TECPR1: variants seen among roughly 807,000 people sequenced by gnomAD.
TECPR1 encodes the protein tectonin beta-propeller repeat containing 1.
A neutral mutation model predicts 162.4 loss-of-function variants in TECPR1; 122 were observed. The ratio of observed to expected loss-of-function variants is 0.75; its 90% CI spans 0.65 to 0.87. The LOEUF (loss-of-function observed/expected upper bound fraction) is 0.87. Among genes scored for constraint, TECPR1 ranks in the 40% least tolerant of loss-of-function variants. TECPR1 has a pLI of 0.00. For synonymous variants in TECPR1, 642 were observed against 670.6 expected, an observed-to-expected ratio of 0.96 and a Z score of 0.66; for missense variants, 1,432 against 1,618.2, an observed-to-expected ratio of 0.88 and a Z score of 1.97.
In TECPR1 at chr7:98,231,978, T is replaced by G; in HGVS notation, c.1819-19A>C. On this transcript the variant is annotated intron_variant, in intron 12 of 25. Coordinates refer to ENST00000447648, the MANE Select transcript of TECPR1 (RefSeq NM_015395.3). Reference sequence around the variant, plus strand: ...ACACCGACTGCGCAGGCCGGGGCAGTGGACACCATCACAGGCAGGCCCGGG... The same window carrying G: ...ACACCGACTGCGCAGGCCGGGGCAGGGGACACCATCACAGGCAGGCCCGGG... The G allele has an allele frequency of 6.3e-7, 1 of 1,588,638 alleles. No individual in the cohort carries two copies. Among genetic ancestry groups the G allele is most frequent in the East Asian group, 2.3e-5 (1 of 44,330 alleles).
chr7:98,232,821 AC>A lies in TECPR1; in HGVS notation c.1818+5del. 1 of 1,563,660 alleles carries A rather than the reference AC, an allele frequency of 6.4e-7. No individual in the cohort carries two copies. The highest frequency in any genetic ancestry group is 2.3e-5 in the East Asian group (1 of 43,994). On this transcript the variant is annotated splice_donor_5th_base_variant and intron_variant, in intron 12 of 25. Transcript: ENST00000447648. This position sits in a 1 kb window ranked among gnomAD's most constrained non-coding sequence, Gnocchi z 4.6. ...AAAATGCATGCGCAGCCACCGGGGC[AC>A]CCACCTGCTCCACGGCCTGCTCGTA...
intron 13 of TECPR1, 64 bp downstream of exon 13, chr7:98,231,740 C>T: frequency 3.2e-6 from 5 of 1,567,692 alleles, no homozygotes; most frequent in Admixed American, 3.4e-5. Context: ...TTCTGTACCC[C>T]TCCTCTAGCA....
chr7:98,226,264 T>C (rs1584328785), intron 17 of TECPR1, among the ~76,000 whole-genome samples: 1 of 152,246 alleles, frequency 6.6e-6, no homozygotes, highest in South Asian at 2.1e-4. Context: ...ATTTTGGCGA[T>C]GTGTGCCAAC....
chr7:98,230,249 T>G (rs1798390278), intron 15 of TECPR1, among the ~76,000 whole-genome samples: 1 of 151,792 alleles, frequency 6.6e-6, no homozygotes, highest in Non-Finnish European at 1.5e-5. Context: ...CAAGTGATCC[T>G]CCTACCTCAG....
rs1290383127 is a variant in TECPR1 at position 98,233,719 on chromosome 7, C to T, written c.1374G>A (p.Val458=). Reference sequence around the variant, plus strand: ...TGCCCTCGGCTGGGCAGGCATCTTCCACGGTATCTTCTGCGGTCCTGCCAG... The same window carrying T: ...TGCCCTCGGCTGGGCAGGCATCTTCTACGGTATCTTCTGCGGTCCTGCCAG... The part of the protein sequence containing the change: ...LGAGRTAEDT[V]EDACPAEGSR... Residue 458 remains valine, a synonymous_variant, in exon 11 of 26, where the codon GTG becomes GTA. Coordinates refer to ENST00000447648, the MANE Select transcript of TECPR1 (RefSeq NM_015395.3). The T allele has an allele frequency of 4.3e-6, 7 of 1,612,120 alleles. No individual in the cohort carries two copies. Among genetic ancestry groups the T allele is most frequent in the Non-Finnish European group, 5.9e-6 (7 of 1,179,514 alleles).
chr7:98,237,054 G>T, intron 9 of TECPR1, 133 bp from the exon 10 acceptor site: 1 of 1,017,198 alleles, frequency 9.8e-7, no homozygotes, highest in Non-Finnish European at 1.3e-6. Context: ...CCATGCTGGG[G>T]CTGTGTGGTG....
rs572849296 is a variant in TECPR1, at chr7:98,233,896, G to A, written c.1197C>T (p.Phe399=). 22 of 1,538,102 alleles carry A rather than the reference G, an allele frequency of 1.4e-5. No homozygotes were observed. The highest frequency in any genetic ancestry group is 1.7e-4 in the Middle Eastern group (1 of 5,904). Reference sequence around the variant, plus strand: ...CGCCACTACCCCTCACCTCATCACCGAAGAAGCAGCCGGCACTGGGGACAA... The same window carrying A: ...CGCCACTACCCCTCACCTCATCACCAAAGAAGCAGCCGGCACTGGGGACAA... The part of the protein sequence containing the change: ...SSSLLSAGCF[F]GDEVRGSGES... Residue 399 remains phenylalanine (F), a synonymous_variant, in exon 11 of 26, where the codon TTC becomes TTT. Transcript: ENST00000447648.
chr7:98,230,980 G>T lies in TECPR1; in HGVS notation c.2263C>A (p.Pro755Thr). 2 of 1,612,102 alleles carry T rather than the reference G, an allele frequency of 1.2e-6. No individual in the cohort carries two copies. Among genetic ancestry groups the T allele is most frequent in the Non-Finnish European group, 8.5e-7 (1 of 1,179,390 alleles). Residue 755 changes from proline (P) to threonine (T), a missense_variant, in exon 15 of 26, where the codon CCC (proline) becomes ACC (threonine). Transcript: ENST00000447648. ...ACTCACATCTGGTCGCAGGGCAGGG[G>T]GTGCTCGTGGGCCTCCAGGTCTGGG... ...PSPDLEAHEH[P>T]LPCDQMFWRQ...
intron 2 of TECPR1, among the ~76,000 whole-genome samples, chr7:98,249,589 G>A (rs1799007939): frequency 2.0e-5 from 3 of 152,122 alleles, no homozygotes; most frequent in African/African-American, 7.2e-5. Context: ...TGCATTCTGG[G>A]ATCCTCACTT....
At chr7:98,219,468 A>G (rs1367112420) in intron 23 of TECPR1, among the ~76,000 whole-genome samples, 2 of 152,372 alleles carry the variant, frequency 1.3e-5, no homozygotes, top group Admixed American at 6.5e-5. Context: ...ATAGGAGGAA[A>G]TATTTGCAAA....
chr7:98,225,738 C>T (rs1015236008), intron 17 of TECPR1, among the ~76,000 whole-genome samples: 1 of 152,112 alleles, frequency 6.6e-6, no homozygotes, highest in Non-Finnish European at 1.5e-5. Flanking sequence ...ACTGCAGCCT[C>T]GAATTCCTGG....
At chr7:98,237,460 A>AGTTTTGTTTT (rs943987680) in intron 9 of TECPR1, among the ~76,000 whole-genome samples, 3 of 150,908 alleles carry the variant, frequency 2.0e-5, no homozygotes, top group Admixed American at 6.6e-5. Context: ...CACCCAGCTA[A>AGTTTTGTTTT]GTTTTGTTTT....
At chr7:98,223,903 G>A (rs1010023053) in intron 19 of TECPR1, among the ~76,000 whole-genome samples, 185 bp from the exon 20 acceptor site, 17 of 152,322 alleles carry the variant, frequency 1.1e-4, no homozygotes, top group African/African-American at 4.1e-4. Context: ...GGCTGCCCCG[G>A]CAGGATCAGG....
In TECPR1 at chr7:98,224,874, C is replaced by T. The variant is rs767020833; in HGVS notation, c.2617G>A (p.Asp873Asn). 17 of 1,562,402 alleles carry T rather than the reference C, an allele frequency of 1.1e-5. No homozygotes were observed. The highest frequency in any genetic ancestry group is 2.7e-5 in the African/African-American group (2 of 73,594). ...PPSLQWAWVSDWFVDFSVPGG... is the reference protein window; with the variant it reads ...PPSLQWAWVSNWFVDFSVPGG... ...GGAACGCTGAAATCCACGAACCAGT[C>T]GGAAACCTGGGAGGAGTGGGTCAGT... is the stretch of plus-strand genomic sequence containing the variant. The change falls in exon 19 of 26, where the codon GAC (aspartate) becomes AAC (asparagine). Residue 873 changes from aspartate (D) to asparagine (N), a missense_variant. By Grantham distance (23) the Asp-to-Asn change is conservative (BLOSUM62 1). Coordinates refer to ENST00000447648, the MANE Select transcript of TECPR1 (RefSeq NM_015395.3).
chr7:98,220,068 G>A (rs1157305768), intron 23 of TECPR1, among the ~76,000 whole-genome samples: 3 of 151,912 alleles, frequency 2.0e-5, no homozygotes, highest in African/African-American at 4.8e-5. Flanking sequence ...ACAGCCAGGC[G>A]CGGTGGCTCA....
chr7:98,226,148 T>TG (rs1399756083), intron 17 of TECPR1, among the ~76,000 whole-genome samples: 3 of 152,160 alleles, frequency 2.0e-5, no homozygotes, highest in Non-Finnish European at 4.4e-5. Flanking sequence ...TGCCCTGTCC[T>TG]CCGTCGGAAC....
intron 10 of TECPR1, among the ~76,000 whole-genome samples, chr7:98,234,959 C>A (rs1442155268): frequency 1.6e-4 from 24 of 152,104 alleles, no homozygotes; most frequent in African/African-American, 4.6e-4. Context: ...AGCGATCCAC[C>A]CACTTTGGCC....
At chr7:98,222,122 C>T (rs956590568) in intron 22 of TECPR1, among the ~76,000 whole-genome samples, 27 of 152,184 alleles carry the variant, frequency 1.8e-4, no homozygotes, top group African/African-American at 3.6e-4. Flanking sequence ...CCCGTCCTCC[C>T]GGGCAGCCAC....
At position 98,233,707 on chromosome 7, in the gene TECPR1, G is replaced by A. The variant is rs1435830034; in HGVS notation, c.1386C>T (p.Cys462=). ...TGGCCTCCCTGCTGCCCTCGGCTGGGCAGGCATCTTCCACGGTATCTTCTG... is the reference window on the plus strand; with the variant it reads ...TGGCCTCCCTGCTGCCCTCGGCTGGACAGGCATCTTCCACGGTATCTTCTG... ...RTAEDTVEDA[C]PAEGSREARP... The change falls in exon 11 of 26, where the codon TGC becomes TGT. Residue 462 remains cysteine (C), a synonymous_variant. Transcript: ENST00000447648. 14 of 1,611,574 alleles carry A rather than the reference G, an allele frequency of 8.7e-6. No individual in the cohort carries two copies. In the Admixed American group the frequency reaches 2.3e-4, roughly 27 times the overall value.
Sources: allele counts gnomAD v4.1 joint callset (sites outside exome capture counted in the v4.1 genomes callset), GRCh38; gene constraint gnomAD v4.1.1; non-coding constraint Gnocchi (gnomAD v3.1); transcripts MANE v1.5; gene names NCBI Gene and HGNC (gene_info 2026-07-23, HGNC 2026-07-21).